MAGI2: variants seen among roughly 807,000 people sequenced by gnomAD.
The protein encoded by MAGI2 is membrane-associated guanylate kinase, WW and PDZ domain-containing protein 2.
In MAGI2, 35 loss-of-function variants were observed where a neutral mutation model predicts 133.3. The observed-to-expected ratio is 0.26, with a 90% CI of 0.20 to 0.35. MAGI2 has a LOEUF of 0.35. MAGI2 is among the 10% of genes least tolerant of loss of function. The pLI is 1.00. For synonymous variants in MAGI2, 729 were observed against 710.6 expected, an observed-to-expected ratio of 1.03 and a Z score of -0.41; for missense variants, 1,636 against 1,863.4, an observed-to-expected ratio of 0.88 and a Z score of 2.25.
rs947180318 is a variant in MAGI2 at position 79,315,334 on chromosome 7, T to C, written c.301+137686A>G. On this transcript the variant is annotated intron_variant, in intron 1 of 21. Transcript: ENST00000354212. The stretch of plus-strand genomic sequence containing the variant: ...CAACCATGCCCAGTTAATTTTTTTT[T>C]TTTTTTTTTTTTGTATTTTTAGTAG... Among the ~76,000 whole-genome samples the C allele has an allele frequency of 2.2e-5, 2 of 90,350 alleles. 1 individual carries two copies. Among genetic ancestry groups the C allele is most frequent in the South Asian group, 7.4e-4 (2 of 2,720 alleles). 59.3% of individuals were successfully genotyped at this position (90,350 alleles called of 152,430 possible).
chr7:78,021,746 A>G (rs1218895459), intron 21 of MAGI2, among the ~76,000 whole-genome samples: 1 of 152,216 alleles, frequency 6.6e-6, no homozygotes, highest in Non-Finnish European at 1.5e-5. Context: ...AAGTCCTGGA[A>G]TCTAATCCTG....
chr7:79,274,156 T>A (rs1020201471), intron 1 of MAGI2, among the ~76,000 whole-genome samples: 1 of 152,106 alleles, frequency 6.6e-6, no homozygotes, highest in Non-Finnish European at 1.5e-5. Flanking sequence ...TCCCATGAAA[T>A]ATTTAGAACA....
chr7:78,108,757 TGA>T (rs34674036), intron 20 of MAGI2, among the ~76,000 whole-genome samples: 33,832 of 151,412 alleles, frequency 0.22, 4,395 homozygotes, highest in East Asian at 0.5. Flanking sequence ...TGTATATACG[TGA>T]GTGTGTGTAT....
intron 2 of MAGI2, among the ~76,000 whole-genome samples, chr7:78,781,380 CAAAAAAAA>C (rs748533885): frequency 2.0e-5 from 2 of 101,030 alleles, no homozygotes; most frequent in African/African-American, 3.9e-5. Flanking sequence ...CTCCGTCTCA[CAAAAAAAA>C]AAAAAAAAAA....
intron 2 of MAGI2, among the ~76,000 whole-genome samples, chr7:78,796,563 C>T (rs565804771): frequency 2.6e-4 from 39 of 152,086 alleles, no homozygotes; most frequent in African/African-American, 8.9e-4. Context: ...CAGTCATTAT[C>T]GAAAACGGTA....
At chr7:79,147,093 T>C (rs899309291) in intron 1 of MAGI2, among the ~76,000 whole-genome samples, 3 of 152,240 alleles carry the variant, frequency 2.0e-5, no homozygotes, top group African/African-American at 4.8e-5. Context: ...GAACTGTCTA[T>C]GCTTCACTTT....
chr7:79,192,252 A>G (rs553718755), intron 1 of MAGI2, among the ~76,000 whole-genome samples: 1 of 152,008 alleles, frequency 6.6e-6, no homozygotes, highest in African/African-American at 2.4e-5. Context: ...TCCTACAGCT[A>G]GAATATAAGT....
At chr7:78,076,604 T>C (rs1815327466) in intron 21 of MAGI2, among the ~76,000 whole-genome samples, 1 of 150,102 alleles carries the variant, frequency 6.7e-6, no homozygotes, top group Non-Finnish European at 1.5e-5. Flanking sequence ...CCCAGCACTT[T>C]GGGAGGCCGA....
At chr7:78,764,460 T>C (rs1824811057) in intron 2 of MAGI2, among the ~76,000 whole-genome samples, 1 of 152,206 alleles carries the variant, frequency 6.6e-6, no homozygotes, top group African/African-American at 2.4e-5. Flanking sequence ...GAATAAAAGG[T>C]ATTTTTGCCT....
At chr7:78,061,866 C>T (rs967424626) in intron 21 of MAGI2, among the ~76,000 whole-genome samples, 1 of 152,124 alleles carries the variant, frequency 6.6e-6, no homozygotes, top group Non-Finnish European at 1.5e-5. Context: ...GGGTTGAATC[C>T]GTCATTAGAT....
At chr7:79,154,812 T>G (rs1823602560) in intron 1 of MAGI2, among the ~76,000 whole-genome samples, 2 of 152,186 alleles carry the variant, frequency 1.3e-5, no homozygotes. Context: ...CTGCCTGGAA[T>G]GGTCTGCTGC....
intron 1 of MAGI2, among the ~76,000 whole-genome samples, chr7:79,228,759 G>C (rs1209814303): frequency 2.6e-5 from 4 of 152,146 alleles, no homozygotes; most frequent in African/African-American, 9.7e-5. Context: ...TGGTCACCCA[G>C]TTGAGCCCAC....
intron 7 of MAGI2, chr7:78,358,904 CT>C (rs1792469100): frequency 6.5e-6 from 1 of 154,042 alleles, no homozygotes; most frequent in Non-Finnish European, 1.4e-5. Context: ...ATTCCTCATG[CT>C]TGGCCTGGCC....
chr7:78,248,401 A>C (rs1453456869), intron 10 of MAGI2, among the ~76,000 whole-genome samples: 1 of 152,196 alleles, frequency 6.6e-6, no homozygotes, highest in Admixed American at 6.5e-5. Flanking sequence ...ACAAAACATC[A>C]GTAGTAAGTC....
chr7:78,406,305 A>G (rs1314618944), intron 6 of MAGI2, among the ~76,000 whole-genome samples: 17 of 151,980 alleles, frequency 1.1e-4, no homozygotes, highest in Admixed American at 1.1e-3. Context: ...AAATAACAGT[A>G]TTTAAATTTA....
At chr7:78,932,493 A>G (rs1033167642) in intron 2 of MAGI2, among the ~76,000 whole-genome samples, 2 of 151,978 alleles carry the variant, frequency 1.3e-5, no homozygotes, top group African/African-American at 4.8e-5. Context: ...AAGGTAAAGA[A>G]CAGAAGTTAA....
At chr7:79,246,898 G>A (rs911374425) in intron 1 of MAGI2, among the ~76,000 whole-genome samples, 3 of 152,060 alleles carry the variant, frequency 2.0e-5, no homozygotes, top group Admixed American at 2.0e-4. Flanking sequence ...GAATCCTAAA[G>A]GCAGCAAGAG....
At chr7:79,294,453 G>C (rs562287486) in intron 1 of MAGI2, among the ~76,000 whole-genome samples, 181 of 151,996 alleles carry the variant, frequency 1.2e-3, no homozygotes, top group African/African-American at 4.3e-3. Context: ...GGGGAAGCCA[G>C]GCTCCTCCCC....
At position 78,099,534 on chromosome 7, in the gene MAGI2, C is replaced by T. The variant is rs60843678; in HGVS notation, c.3568-20449G>A. 1.1e-4 allele frequency among the ~76,000 whole-genome samples: 17 copies of T among 152,198 alleles called. No homozygotes were observed. The East Asian group carries it at 3.3e-3, about 29-fold the overall frequency. The stretch of plus-strand genomic sequence containing the variant: ...CAGATTTGAAAACAGTAATACATCA[C>T]TAAAAAGATAAGGCTTTTACCTAAT... On this transcript the variant is annotated intron_variant, in intron 20 of 21. Transcript: ENST00000354212.
Sources: gnomAD v4.1 joint callset for allele counts (sites outside exome capture counted in the v4.1 genomes callset) on GRCh38, gnomAD v4.1.1 for gene constraint, MANE v1.5 for transcripts, NCBI Gene and HGNC (gene_info 2026-07-23, HGNC 2026-07-21) for gene names.